The following CLIC4 variants were observed in gnomAD, a reference collection of about 807,000 sequenced individuals.
CLIC4 encodes the protein CLIC family member 4.
CLIC4 carries 13 observed loss-of-function variants against 24.6 expected under a neutral mutation model. That is an observed-to-expected ratio of 0.53 (90% CI 0.34 to 0.84). The LOEUF (loss-of-function observed/expected upper bound fraction) is 0.84, where lower values mean the gene tolerates loss of function less well. Among genes scored for constraint, CLIC4 ranks in the 40% least tolerant of loss-of-function variants. The pLI, the probability that CLIC4 is intolerant of heterozygous loss-of-function variation, is 0.01. For missense variants in CLIC4, 227 were observed against 301.7 expected (o/e 0.75, Z 1.83); for synonymous variants, 104 against 111.3 (o/e 0.93, Z 0.41).
chr1:24,802,193 A>G (rs1639498533), intron 2 of CLIC4, among the ~76,000 whole-genome samples: 1 of 152,232 alleles, frequency 6.6e-6, no homozygotes, highest in Non-Finnish European at 1.5e-5. Context: ...TAATAGTGCC[A>G]TAAACATGGG....
chr1:24,807,164 A>C (rs1263238996), intron 2 of CLIC4, among the ~76,000 whole-genome samples: 1 of 152,064 alleles, frequency 6.6e-6, no homozygotes, highest in Admixed American at 6.6e-5. Context: ...AAATTTAAAA[A>C]ATTAAGAATC....
chr1:24,751,880 A>G (rs4649018), intron 1 of CLIC4, among the ~76,000 whole-genome samples: 42,570 of 152,120 alleles, frequency 0.28, 7,213 homozygotes, highest in Non-Finnish European at 0.37. Flanking sequence ...CAATCAAATC[A>G]AAAAACAGAA....
At chr1:24,752,919 C>T (rs1638794649) in intron 1 of CLIC4, among the ~76,000 whole-genome samples, 1 of 152,122 alleles carries the variant, frequency 6.6e-6, no homozygotes, top group Non-Finnish European at 1.5e-5. Context: ...GATGGGGTTT[C>T]ACCGTGTTGG....
At chr1:24,751,452 G>C (rs1473047936) in intron 1 of CLIC4, among the ~76,000 whole-genome samples, 2 of 147,578 alleles carry the variant, frequency 1.4e-5, no homozygotes, top group African/African-American at 5.0e-5. Flanking sequence ...TGTTGGCCAG[G>C]CTGGTCTTGA....
At chr1:24,746,892 G>A (rs745450857) in intron 1 of CLIC4, among the ~76,000 whole-genome samples, 18 of 152,142 alleles carry the variant, frequency 1.2e-4, no homozygotes, top group Admixed American at 1.0e-3. Context: ...TGGAGGCTGC[G>A]GTGGGAGAAC....
chr1:24,751,176 C>T (rs1638769766), intron 1 of CLIC4, among the ~76,000 whole-genome samples: 1 of 151,312 alleles, frequency 6.6e-6, no homozygotes, highest in Middle Eastern at 3.4e-3. Flanking sequence ...ATGTACTCAC[C>T]TCTTTTTTTT....
chr1:24,745,815 G>C (rs1267009313), intron 1 of CLIC4, among the ~76,000 whole-genome samples, 190 bp downstream of exon 1: 1 of 151,652 alleles, frequency 6.6e-6, no homozygotes, highest in African/African-American at 2.4e-5. Context: ...GCCCGTCGAG[G>C]GGTCCGGGTT....
intron 2 of CLIC4, among the ~76,000 whole-genome samples, chr1:24,808,188 C>T (rs1007970520): frequency 3.9e-5 from 6 of 152,178 alleles, no homozygotes; most frequent in African/African-American, 1.2e-4. Flanking sequence ...TCAGCTGATC[C>T]GCCCGCCTTG....
intron 2 of CLIC4, among the ~76,000 whole-genome samples, chr1:24,802,377 G>T (rs1042524797): frequency 6.6e-6 from 1 of 152,144 alleles, no homozygotes; most frequent in East Asian, 1.9e-4. Flanking sequence ...TATGTTAAGT[G>T]TTTATATATA....
rs763326095 is a variant in CLIC4, at chr1:24,745,643, G to C, written c.72+18G>C. 3 of 1,532,716 alleles carry C rather than the reference G, an allele frequency of 2.0e-6. No homozygotes were observed. The highest frequency in any genetic ancestry group is 2.6e-6 in the Non-Finnish European group (3 of 1,141,002). 94.9% of individuals were successfully genotyped at this position (1,532,716 alleles called of 1,614,324 possible). On this transcript the variant is annotated intron_variant, in intron 1 of 5. Coordinates refer to ENST00000374379, the MANE Select transcript of CLIC4 (RefSeq NM_013943.3). ...TCGTCAAGGTGAGCGCTCGCCTCGC[G>C]GTCCCGCCCGGCAGATCCCCCGGCT...
chr1:24,752,943 G>C (rs948442464), intron 1 of CLIC4, among the ~76,000 whole-genome samples: 1 of 152,126 alleles, frequency 6.6e-6, no homozygotes, highest in South Asian at 2.1e-4. Flanking sequence ...GGATGGTCTC[G>C]ATCTCCTGAC....
chr1:24,782,698 T>C (rs1276522536), intron 1 of CLIC4, among the ~76,000 whole-genome samples: 1 of 152,144 alleles, frequency 6.6e-6, no homozygotes, highest in African/African-American at 2.4e-5. Flanking sequence ...GTTACAAGCA[T>C]AAGAGGTAGG....
At chr1:24,782,701 G>GAGGT (rs1470606489) in intron 1 of CLIC4, among the ~76,000 whole-genome samples, 5 of 152,084 alleles carry the variant, frequency 3.3e-5, no homozygotes, top group African/African-American at 1.2e-4. Flanking sequence ...ACAAGCATAA[G>GAGGT]AGGTAGGACA....
chr1:24,759,962 A>G (rs1571230851), intron 1 of CLIC4, among the ~76,000 whole-genome samples: 1 of 152,202 alleles, frequency 6.6e-6, no homozygotes, highest in East Asian at 1.9e-4. Context: ...CCGTGTCTCA[A>G]AAAAAAACCA....
At chr1:24,802,377 G>A (rs1042524797) in intron 2 of CLIC4, among the ~76,000 whole-genome samples, 1 of 152,144 alleles carries the variant, frequency 6.6e-6, no homozygotes, top group Non-Finnish European at 1.5e-5. Context: ...TATGTTAAGT[G>A]TTTATATATA....
intron 2 of CLIC4, among the ~76,000 whole-genome samples, chr1:24,809,686 C>G (rs1013233121): frequency 6.6e-6 from 1 of 152,128 alleles, no homozygotes; most frequent in Non-Finnish European, 1.5e-5. Context: ...GTCTCAAACT[C>G]CTGACCTCAG....
chr1:24,800,346 G>T (rs1196361823), intron 2 of CLIC4, among the ~76,000 whole-genome samples: 1 of 128,748 alleles, frequency 7.8e-6, no homozygotes, highest in Non-Finnish European at 1.7e-5. Context: ...AGGGAGGTGG[G>T]GGGGTCAGCC....
At chr1:24,756,557 A>G (rs1001085389) in intron 1 of CLIC4, among the ~76,000 whole-genome samples, 2 of 152,202 alleles carry the variant, frequency 1.3e-5, no homozygotes, top group African/African-American at 4.8e-5. Flanking sequence ...AGTTCTCATT[A>G]TAATATAGTT....
At chr1:24,801,787 T>G (rs892145051) in intron 2 of CLIC4, among the ~76,000 whole-genome samples, 6 of 152,218 alleles carry the variant, frequency 3.9e-5, no homozygotes, top group African/African-American at 1.4e-4. Flanking sequence ...TTACAGACTT[T>G]AAAATTTATT....
Sources: allele counts gnomAD v4.1 joint callset (sites outside exome capture counted in the v4.1 genomes callset), GRCh38; gene constraint gnomAD v4.1.1; transcripts MANE v1.5; gene names NCBI Gene and HGNC (gene_info 2026-07-23, HGNC 2026-07-21).